Variants in DPYSL5 observed in about 807,000 individuals in gnomAD.
DPYSL5 encodes dihydropyrimidinase like 5, also known as dihydropyrimidinase-related protein 5.
A neutral mutation model predicts 58.4 loss-of-function variants in DPYSL5; 9 were observed. The observed-to-expected ratio is 0.15, with a 90% CI of 0.09 to 0.27. The LOEUF (loss-of-function observed/expected upper bound fraction) is 0.27. DPYSL5 is among the 10% of genes least tolerant of loss of function. The pLI, the probability that DPYSL5 is intolerant of heterozygous loss-of-function variation, is 1.00. For missense variants in DPYSL5, 499 were observed against 770.6 expected, an observed-to-expected ratio of 0.65 and a Z score of 4.17; for synonymous variants, 293 against 301.9, an observed-to-expected ratio of 0.97 and a Z score of 0.31.
At chr2:26,910,234 C>G (rs1183039486) in intron 2 of DPYSL5, among the ~76,000 whole-genome samples, 1 of 152,196 alleles carries the variant, frequency 6.6e-6, no homozygotes, top group Non-Finnish European at 1.5e-5. Flanking sequence ...TTTTATTTCC[C>G]TTGGGTAATT....
intron 1 of DPYSL5, among the ~76,000 whole-genome samples, chr2:26,853,642 ATT>A (rs1665807382): frequency 6.6e-6 from 1 of 152,160 alleles, no homozygotes; most frequent in Non-Finnish European, 1.5e-5. Context: ...GGTTTATGCA[ATT>A]GGAGAGGCTG....
chr2:26,928,223 C>G, intron 4 of DPYSL5, 32 bp from the exon 5 acceptor site: 1 of 1,609,786 alleles, frequency 6.2e-7, no homozygotes, highest in Non-Finnish European at 8.5e-7. Context: ...CTCTGTGATT[C>G]TCTCCATTTT....
At position 26,944,211 on chromosome 2, in the gene DPYSL5, G is replaced by A. The variant is rs896316235; in HGVS notation, c.1441-445G>A. Among the ~76,000 whole-genome samples, 6 of 152,084 alleles carry A rather than the reference G, an allele frequency of 3.9e-5. No individual in the cohort carries two copies. Among genetic ancestry groups the A allele is most frequent in the Non-Finnish European group, 7.4e-5 (5 of 68,006 alleles). On this transcript the variant is annotated intron_variant, in intron 11 of 12. Coordinates refer to ENST00000288699, the MANE Select transcript of DPYSL5 (RefSeq NM_020134.4). The surrounding 1 kb of genome is among the most constrained non-coding windows in gnomAD (Gnocchi z 4.4). ...GGCTGAGGCAGGAGAATCACTTTGCGGGGGCGGAGGTTGCAGTGAGCCAAG... is the reference window on the plus strand; with the variant it reads ...GGCTGAGGCAGGAGAATCACTTTGCAGGGGCGGAGGTTGCAGTGAGCCAAG...
Position 26,942,453 on chromosome 2 carries a change from A to G in DPYSL5, c.1233-90A>G. Reference sequence around the variant, plus strand: ...GAAGGGAGCCAATTCAACCCATAACAACCAGCCTTTGGGGCTCACCCCTCC... The same window carrying G: ...GAAGGGAGCCAATTCAACCCATAACGACCAGCCTTTGGGGCTCACCCCTCC... On this transcript the variant is annotated intron_variant, in intron 10 of 12. Coordinates refer to ENST00000288699, the MANE Select transcript of DPYSL5 (RefSeq NM_020134.4). The surrounding 1 kb of genome is among the most constrained non-coding windows in gnomAD (Gnocchi z 5.9). The G allele has an allele frequency of 7.0e-7, 1 of 1,425,400 alleles. No individual in the cohort carries two copies. The highest frequency in any genetic ancestry group is 1.4e-5 in the African/African-American group (1 of 70,534). 88.3% of individuals were successfully genotyped at this position (1,425,400 alleles called of 1,614,324 possible). A position where few individuals can be genotyped will look rare whatever the true frequency, so the allele number is the denominator to read the frequency against.
At chr2:26,906,763 T>A (rs1664302998) in intron 2 of DPYSL5, among the ~76,000 whole-genome samples, 1 of 152,090 alleles carries the variant, frequency 6.6e-6, no homozygotes, top group African/African-American at 2.4e-5. Context: ...AAATCATAAT[T>A]TATTTATTTA....
intron 1 of DPYSL5, among the ~76,000 whole-genome samples, chr2:26,862,725 C>T (rs566444254): frequency 7.9e-5 from 12 of 152,304 alleles, no homozygotes; most frequent in African/African-American, 2.9e-4. Context: ...ACCGGGATGC[C>T]AGGCACATCC....
chr2:26,897,637 G>A (rs1026910861), intron 1 of DPYSL5, among the ~76,000 whole-genome samples: 22 of 152,284 alleles, frequency 1.4e-4, no homozygotes, highest in African/African-American at 5.3e-4. Context: ...TAGTGTCTTT[G>A]TCTGGTTTTT....
chr2:26,888,219 TTC>T (rs200435753), intron 1 of DPYSL5, among the ~76,000 whole-genome samples: 2 of 98,262 alleles, frequency 2.0e-5, no homozygotes, highest in Admixed American at 2.1e-4. Context: ...TTTTCTTTCT[TTC>T]TTTCTTTCTT....
intron 1 of DPYSL5, among the ~76,000 whole-genome samples, chr2:26,852,857 G>A (rs1665790434): frequency 1.3e-5 from 2 of 152,194 alleles, no homozygotes; most frequent in African/African-American, 4.8e-5. Context: ...AGCACTGAGA[G>A]CAGCATCTGG....
chr2:26,931,201 G>A (rs796396457), intron 5 of DPYSL5, among the ~76,000 whole-genome samples: 3,293 of 53,170 alleles, frequency 0.062, 139 homozygotes, highest in African/African-American at 0.11. Context: ...GTGTGTGTGT[G>A]TGTATATATA....
chr2:26,917,759 G>A (rs1664604460), intron 2 of DPYSL5, among the ~76,000 whole-genome samples: 1 of 152,208 alleles, frequency 6.6e-6, no homozygotes, highest in Admixed American at 6.5e-5. Context: ...ATAATTTGCA[G>A]GGCCTAGTGC....
chr2:26,851,519 TCTC>T (rs1665754198), intron 1 of DPYSL5, among the ~76,000 whole-genome samples: 1 of 152,134 alleles, frequency 6.6e-6, no homozygotes, highest in Admixed American at 6.5e-5. Context: ...CCACGTCTCT[TCTC>T]CTGCCATAGC....
chr2:26,848,771 G>A (rs1665663931), intron 1 of DPYSL5, among the ~76,000 whole-genome samples: 1 of 152,132 alleles, frequency 6.6e-6, no homozygotes, highest in Non-Finnish European at 1.5e-5. Flanking sequence ...GACCCGACCC[G>A]GCGGTCTGTT....
Position 26,898,612 on chromosome 2 carries a change from T to C in DPYSL5, c.113T>C (p.Val38Ala). The C allele has an allele frequency of 6.2e-7, 1 of 1,613,980 alleles. No individual in the cohort carries two copies. The highest frequency in any genetic ancestry group is 1.1e-5 in the South Asian group (1 of 91,036). ...VYIENGIIQQVGRELMIPGGA... is the reference protein window; with the variant it reads ...VYIENGIIQQAGRELMIPGGA... Reference sequence around the variant, plus strand: ...ATCGAGAATGGCATCATCCAGCAGGTGGGCCGCGAGCTCATGATCCCTGGC... The same window carrying C: ...ATCGAGAATGGCATCATCCAGCAGGCGGGCCGCGAGCTCATGATCCCTGGC... The change falls in exon 2 of 13, where the codon GTG becomes GCG. Residue 38 changes from valine to alanine, a missense_variant. Coordinates refer to ENST00000288699, the MANE Select transcript of DPYSL5 (RefSeq NM_020134.4). The surrounding 1 kb of genome is among the most constrained non-coding windows in gnomAD (Gnocchi z 6.1).
Position 26,929,683 on chromosome 2 carries a change from C to T in DPYSL5, c.669+1360C>T, listed in dbSNP as rs1365769759. ...GGACTGCCGCTTTGGACCCTTTCCA[C>T]CAAAAACAGGAGACACATACAAGTC... is the stretch of plus-strand genomic sequence containing the variant. On this transcript the variant is annotated intron_variant, in intron 5 of 12. Transcript: ENST00000288699. Among the ~76,000 whole-genome samples, 4 of 152,240 alleles carry T rather than the reference C, an allele frequency of 2.6e-5. No individual in the cohort carries two copies. The East Asian group carries it at 7.7e-4, about 29-fold the overall frequency.
intron 6 of DPYSL5, 53 bp downstream of exon 6, chr2:26,931,737 G>C: frequency 1.3e-6 from 2 of 1,594,314 alleles, no homozygotes; most frequent in African/African-American, 2.7e-5. Context: ...GGCCAGGCAC[G>C]GTGCTGATGT....
chr2:26,858,738 T>G (rs1665940585), intron 1 of DPYSL5, among the ~76,000 whole-genome samples: 1 of 113,352 alleles, frequency 8.8e-6, no homozygotes, highest in Admixed American at 9.7e-5. Context: ...CCCAGCTATT[T>G]TTTTTTTTTT....
At position 26,877,417 on chromosome 2, in the gene DPYSL5, G is replaced by A. The variant is rs116092765; in HGVS notation, c.-4-21079G>A. On this transcript the variant is annotated intron_variant, in intron 1 of 12. Transcript: ENST00000288699. The surrounding 1 kb of genome is among the most constrained non-coding windows in gnomAD (Gnocchi z 4.1). Reference sequence around the variant, plus strand: ...ACTAAGAGAATACATGTAACTCATGGATGCAGGGGACGCACATTGTCTGCA... The same window carrying A: ...ACTAAGAGAATACATGTAACTCATGAATGCAGGGGACGCACATTGTCTGCA... 4.2e-3 allele frequency among the ~76,000 whole-genome samples: 632 copies of A among 152,156 alleles called. 4 individuals carry two copies. The highest frequency in any genetic ancestry group is 0.015 in the African/African-American group (617 of 41,504).
chr2:26,900,323 G>A (rs972524788), intron 2 of DPYSL5, among the ~76,000 whole-genome samples: 4 of 152,128 alleles, frequency 2.6e-5, no homozygotes, highest in Non-Finnish European at 5.9e-5. Context: ...AGTGGTTTTG[G>A]TATATTTATC....
Sources: allele counts gnomAD v4.1 joint callset (sites outside exome capture counted in the v4.1 genomes callset), GRCh38; gene constraint gnomAD v4.1.1; non-coding constraint Gnocchi (gnomAD v3.1); transcripts MANE v1.5; gene names NCBI Gene and HGNC (gene_info 2026-07-23, HGNC 2026-07-21).